CYRIB: variants seen among roughly 807,000 people sequenced by gnomAD.
The protein encoded by CYRIB is CYFIP related Rac1 interactor B, also known as CYFIP-related Rac1 interactor B.
In CYRIB, 8 loss-of-function variants were observed where a neutral mutation model predicts 44.2. The ratio of observed to expected loss-of-function variants is 0.18; its 90% CI spans 0.11 to 0.33. The LOEUF (loss-of-function observed/expected upper bound fraction) is 0.33. Among genes scored for constraint, CYRIB ranks in the 10% least tolerant of loss-of-function variants. CYRIB has a pLI of 1.00. For missense variants in CYRIB, 185 were observed against 382.8 expected, an observed-to-expected ratio of 0.48 and a Z score of 4.31; for synonymous variants, 131 against 127.2, an observed-to-expected ratio of 1.03 and a Z score of -0.20.
upstream of CYRIB, among the ~76,000 whole-genome samples, chr8:129,944,598 C>T (rs1266281010): frequency 2.0e-5 from 3 of 152,034 alleles, no homozygotes; most frequent in Non-Finnish European, 4.4e-5. Context: ...GCCTGGCCAA[C>T]ATGGTGAAAC....
At chr8:129,882,993 C>T (rs757077967) in intron 2 of CYRIB, among the ~76,000 whole-genome samples, 19 of 151,144 alleles carry the variant, frequency 1.3e-4, no homozygotes, top group Non-Finnish European at 1.8e-4. Context: ...GTCAGGAGTT[C>T]GAGACCAGTC....
At chr8:129,920,526 T>C (rs2083010398) in intron 1 of CYRIB, among the ~76,000 whole-genome samples, 2 of 152,154 alleles carry the variant, frequency 1.3e-5, no homozygotes, top group South Asian at 4.1e-4. Context: ...GTTTAAATGA[T>C]TTTTAACAGA....
At chr8:129,894,977 G>A (rs1435435495) in intron 2 of CYRIB, among the ~76,000 whole-genome samples, 2 of 145,876 alleles carry the variant, frequency 1.4e-5, no homozygotes, top group African/African-American at 2.5e-5. Context: ...GCTCTTTTTC[G>A]CCCAGGCTGG....
chr8:129,865,286 T>C (rs1249018308), intron 4 of CYRIB, among the ~76,000 whole-genome samples: 1 of 152,212 alleles, frequency 6.6e-6, no homozygotes, highest in Admixed American at 6.5e-5. Context: ...AAATAAATTC[T>C]TTAACTAGCT....
intron 1 of CYRIB, among the ~76,000 whole-genome samples, chr8:129,995,070 T>C (rs1330215899): frequency 6.6e-6 from 1 of 152,202 alleles, no homozygotes; most frequent in Non-Finnish European, 1.5e-5. Flanking sequence ...AAGACTTACA[T>C]ACTGAGGGTT....
chr8:129,891,154 G>T (rs1228392577), intron 2 of CYRIB, among the ~76,000 whole-genome samples: 1 of 152,066 alleles, frequency 6.6e-6, no homozygotes, highest in African/African-American at 2.4e-5. Flanking sequence ...CTTCCTTCAG[G>T]CTCCTAAATT....
At chr8:129,981,416 G>A (rs1043807019) in intron 1 of CYRIB, among the ~76,000 whole-genome samples, 12 of 152,312 alleles carry the variant, frequency 7.9e-5, no homozygotes, top group Admixed American at 3.9e-4. Context: ...CGCCCGAAGC[G>A]CTGTGATTAC....
intron 1 of CYRIB, among the ~76,000 whole-genome samples, chr8:129,990,292 C>G (rs1355870302): frequency 6.6e-6 from 1 of 152,028 alleles, no homozygotes; most frequent in Non-Finnish European, 1.5e-5. Context: ...ATTCAATAAA[C>G]GCTTGTTTTA....
chr8:129,982,435 C>T (rs529271372), intron 1 of CYRIB, among the ~76,000 whole-genome samples: 1 of 152,134 alleles, frequency 6.6e-6, no homozygotes, highest in South Asian at 2.1e-4. Flanking sequence ...TAGCCCCATG[C>T]GGCTAGTGGC....
intron 1 of CYRIB, among the ~76,000 whole-genome samples, chr8:129,918,802 A>C (rs2136925871): frequency 6.6e-6 from 1 of 152,378 alleles, no homozygotes; most frequent in Middle Eastern, 3.4e-3. Flanking sequence ...TAAGTACATT[A>C]GAATAAATGC....
At chr8:129,855,485 C>A in intron 6 of CYRIB, 126 bp downstream of exon 8, 2 of 956,148 alleles carry the variant, frequency 2.1e-6, no homozygotes, top group South Asian at 2.1e-5. Flanking sequence ...TCCAGCTTTG[C>A]ATTTTTATTA....
At chr8:129,845,451 A>C (rs890479887) in intron 11 of CYRIB, among the ~76,000 whole-genome samples, 3 of 152,250 alleles carry the variant, frequency 2.0e-5, no homozygotes, top group African/African-American at 7.2e-5. Flanking sequence ...AAAAACCCCA[A>C]GAATACAGAA....
At chr8:129,879,088 C>T (rs1564528435) in intron 3 of CYRIB, among the ~76,000 whole-genome samples, 1 of 152,088 alleles carries the variant, frequency 6.6e-6, no homozygotes, top group African/African-American at 2.4e-5. Context: ...AGTACTTGTC[C>T]TTTCCAACAA....
In CYRIB at chr8:129,842,291, T is replaced by C. The variant is rs146524633; in HGVS notation, c.912-86A>G. 4.0e-4 allele frequency: 382 copies of C among 959,512 alleles called. No individual in the cohort carries two copies. In the African/African-American group the frequency reaches 4.3e-3, roughly 11 times the overall value. The allele number at this position is 959,512 out of a possible 1,614,324, so 59.4% of individuals were successfully genotyped here. The stretch of plus-strand genomic sequence containing the variant: ...TCTCTAATTATGACAGGATGGAGAA[T>C]TGGTCTCAGCAAAACTCACAAAATT... On this transcript the variant is annotated intron_variant, in intron 11 of 11. Coordinates refer to ENST00000519824, the Ensembl canonical transcript of CYRIB.
At chr8:129,882,456 CT>C (rs2061133634) in intron 2 of CYRIB, among the ~76,000 whole-genome samples, 1 of 152,154 alleles carries the variant, frequency 6.6e-6, no homozygotes. Context: ...ACAAAATAAC[CT>C]TTTAAAAGTA....
intron 2 of CYRIB, among the ~76,000 whole-genome samples, chr8:129,902,141 A>G (rs756711836): frequency 2.6e-5 from 4 of 152,204 alleles, no homozygotes; most frequent in Non-Finnish European, 4.4e-5. Context: ...CAAGGTGATA[A>G]CAATTCTGAA....
chr8:129,909,891 A>C (rs2077107028), intron 1 of CYRIB, among the ~76,000 whole-genome samples: 1 of 152,162 alleles, frequency 6.6e-6, no homozygotes, highest in Non-Finnish European at 1.5e-5. Flanking sequence ...AAGGCACATA[A>C]ACATACCTAA....
chr8:129,849,342 T>C, exon 10 of CYRIB: 1 of 1,613,258 alleles, frequency 6.2e-7, no homozygotes. Flanking sequence ...ACACTGTCTC[T>C]TCATTTGTAA....
At chr8:129,991,339 C>T (rs573739330) in intron 1 of CYRIB, among the ~76,000 whole-genome samples, 1 of 152,022 alleles carries the variant, frequency 6.6e-6, no homozygotes, top group African/African-American at 2.4e-5. Context: ...GAAACGTAAT[C>T]CCCAATGTGG....
Sources: allele counts gnomAD v4.1 joint callset (sites outside exome capture counted in the v4.1 genomes callset), GRCh38; gene constraint gnomAD v4.1.1; transcripts MANE v1.5; gene names NCBI Gene and HGNC (gene_info 2026-07-23, HGNC 2026-07-21).